SCLT1: variants seen among roughly 807,000 people sequenced by gnomAD.
SCLT1 encodes sodium channel and clathrin linker 1.
Under a neutral mutation model 112.8 loss-of-function variants are expected in SCLT1, and 78 were observed. That is an observed-to-expected ratio of 0.69 (90% CI 0.58 to 0.83). The LOEUF (loss-of-function observed/expected upper bound fraction) is 0.83. SCLT1 is among the 40% of genes least tolerant of loss of function. SCLT1 has a pLI of 0.00. For missense variants in SCLT1, 747 were observed against 770.4 expected (o/e 0.97, Z 0.36); for synonymous variants, 257 against 254.7 (o/e 1.01, Z -0.09).
At chr4:129,019,640 T>C (rs966627861) in intron 5 of SCLT1, among the ~76,000 whole-genome samples, 3 of 151,792 alleles carry the variant, frequency 2.0e-5, no homozygotes, top group Non-Finnish European at 1.5e-5. Flanking sequence ...TGCCGCTATA[T>C]TTTTGTGTAT....
intron 5 of SCLT1, chr4:129,037,722 G>C (rs1747307271): frequency 6.6e-6 from 1 of 152,158 alleles, no homozygotes; most frequent in African/African-American, 2.4e-5. Context: ...ATTGTTTACT[G>C]TGTTGAGACT....
intron 16 of SCLT1, 28 bp from the exon 17 acceptor site, chr4:128,943,216 CCTTAAA>C: frequency 1.3e-6 from 2 of 1,485,116 alleles, no homozygotes; most frequent in Non-Finnish European, 1.9e-6. Flanking sequence ...TGAAAAGAAT[CCTTAAA>C]CTTAATGATC....
intron 4 of SCLT1, chr4:129,040,307 A>G: frequency 1.5e-6 from 1 of 666,014 alleles, no homozygotes; most frequent in Non-Finnish European, 2.8e-6. Flanking sequence ...AAAATTGGAA[A>G]GACAGGTACA....
intron 5 of SCLT1, chr4:129,037,289 T>C (rs1250508375): frequency 6.6e-6 from 1 of 152,218 alleles, no homozygotes; most frequent in Non-Finnish European, 1.5e-5. Flanking sequence ...TTCCACATTC[T>C]GGCCTCTGTC....
intron 5 of SCLT1, chr4:129,036,900 ATAAATT>A (rs1362998344): frequency 2.0e-5 from 3 of 151,968 alleles, no homozygotes; most frequent in African/African-American, 7.2e-5. Flanking sequence ...CATGTTTTGA[ATAAATT>A]TAGAACTCAA....
intron 11 of SCLT1, among the ~76,000 whole-genome samples, chr4:128,961,888 T>C (rs938705070): frequency 6.6e-6 from 1 of 152,252 alleles, no homozygotes; most frequent in Non-Finnish European, 1.5e-5. Context: ...ATGATTGTTA[T>C]GATTTCTACT....
At chr4:129,054,396 T>C (rs567840236) in intron 2 of SCLT1, among the ~76,000 whole-genome samples, 1 of 152,304 alleles carries the variant, frequency 6.6e-6, no homozygotes, top group Admixed American at 6.5e-5. Context: ...CAATCAAACG[T>C]AGATTTGGCC....
chr4:128,920,859 A>G (rs573175373), intron 18 of SCLT1, among the ~76,000 whole-genome samples: 10 of 152,218 alleles, frequency 6.6e-5, no homozygotes, highest in African/African-American at 2.4e-4. Flanking sequence ...ATAGGTAGAG[A>G]GGAAGTCAAA....
intron 9 of SCLT1, among the ~76,000 whole-genome samples, chr4:128,982,502 A>C (rs529749413): frequency 6.6e-6 from 1 of 152,194 alleles, no homozygotes; most frequent in Admixed American, 6.5e-5. Flanking sequence ...TTAGTGGCTA[A>C]GTTATTATTA....
At chr4:128,900,057 G>A (rs1454650665) in intron 18 of SCLT1, among the ~76,000 whole-genome samples, 2 of 152,086 alleles carry the variant, frequency 1.3e-5, no homozygotes, top group Non-Finnish European at 2.9e-5. Flanking sequence ...CATTCCACAC[G>A]CATGGGTAGG....
chr4:128,941,129 G>A (rs73850043), intron 17 of SCLT1, among the ~76,000 whole-genome samples: 4,720 of 152,038 alleles, frequency 0.031, 188 homozygotes, highest in African/African-American at 0.097. Context: ...CTGCCCCCAT[G>A]ATTCAATTAC....
At chr4:129,023,212 A>ACCC in intron 5 of SCLT1, among the ~76,000 whole-genome samples, 1 of 152,180 alleles carries the variant, frequency 6.6e-6, no homozygotes, top group Non-Finnish European at 1.5e-5. Flanking sequence ...ATAAAGACCA[A>ACCC]TGACACTATG....
intron 18 of SCLT1, among the ~76,000 whole-genome samples, chr4:128,914,838 A>G (rs762359286): frequency 9.8e-5 from 15 of 152,326 alleles, no homozygotes; most frequent in Middle Eastern, 3.4e-3. Flanking sequence ...AAGCCCACAC[A>G]AACAAATAAT....
intron 18 of SCLT1, among the ~76,000 whole-genome samples, chr4:128,898,069 T>A (rs918483336): frequency 1.4e-4 from 21 of 152,222 alleles, no homozygotes; most frequent in African/African-American, 4.8e-4. Context: ...CGCACAATAA[T>A]AATGGGAGAC....
At chr4:128,942,203 C>G (rs1291427236) in intron 17 of SCLT1, among the ~76,000 whole-genome samples, 4 of 151,972 alleles carry the variant, frequency 2.6e-5, no homozygotes, top group Non-Finnish European at 5.9e-5. Flanking sequence ...CATTTCATAC[C>G]TGCAATAGGA....
intron 18 of SCLT1, among the ~76,000 whole-genome samples, chr4:128,931,709 G>A (rs1412708951): frequency 2.0e-5 from 3 of 152,144 alleles, no homozygotes; most frequent in Non-Finnish European, 4.4e-5. Flanking sequence ...TGATCAGCCC[G>A]CCTCGGCCTC....
chr4:128,999,546 A>C (rs990143560), intron 7 of SCLT1, 126 bp downstream of exon 7: 1 of 531,512 alleles, frequency 1.9e-6, no homozygotes, highest in Non-Finnish European at 3.2e-6. Flanking sequence ...TTATTAACAT[A>C]AATAATAAAG....
intron 15 of SCLT1, among the ~76,000 whole-genome samples, chr4:128,947,912 C>T (rs912294719): frequency 1.3e-5 from 2 of 151,716 alleles, no homozygotes; most frequent in African/African-American, 4.8e-5. Flanking sequence ...AAATAAAACT[C>T]AAAAAGAAAG....
chr4:129,086,026 A>T (rs1752365384), intron 1 of SCLT1, among the ~76,000 whole-genome samples: 2 of 152,208 alleles, frequency 1.3e-5, no homozygotes, highest in South Asian at 4.1e-4. Flanking sequence ...TTAAAAAAAG[A>T]AAAACTTAAA....
Sources: allele counts gnomAD v4.1 joint callset (sites outside exome capture counted in the v4.1 genomes callset), GRCh38; gene constraint gnomAD v4.1.1; transcripts MANE v1.5; gene names NCBI Gene and HGNC (gene_info 2026-07-23, HGNC 2026-07-21).